Variants in COL23A1 observed in about 807,000 individuals in gnomAD.
COL23A1 encodes the protein collagen alpha-1(XXIII) chain.
In COL23A1, 97 loss-of-function variants were observed where a neutral mutation model predicts 99.3. The observed-to-expected ratio is 0.98, with a 90% CI of 0.83 to 1.16. COL23A1 has a LOEUF of 1.16. Among genes scored for constraint, COL23A1 ranks in the 50% most tolerant of loss-of-function variants. The pLI is 0.00. For missense variants in COL23A1, 762 were observed against 757.4 expected (o/e 1.01, Z -0.07); for synonymous variants, 320 against 308.2 (o/e 1.04, Z -0.40).
chr5:178,331,925 AG>A (rs1760050066), intron 2 of COL23A1, among the ~76,000 whole-genome samples: 1 of 152,208 alleles, frequency 6.6e-6, no homozygotes, highest in Non-Finnish European at 1.5e-5. Flanking sequence ...ACTTGGCTAG[AG>A]GGTGGGCACA....
chr5:178,327,488 G>A (rs536642499), intron 2 of COL23A1, among the ~76,000 whole-genome samples: 3 of 152,288 alleles, frequency 2.0e-5, no homozygotes, highest in African/African-American at 7.2e-5. Context: ...CCAGGGCCTT[G>A]GAGACCTTAT....
At position 178,309,318 on chromosome 5, in the gene COL23A1, A is replaced by G. The variant is rs1010412226; in HGVS notation, c.362-2399T>C. Reference sequence around the variant, plus strand: ...AGGCAGGGTAGGGTGCCTGCCTCCCAGGGTCACTGGGCGATGCCCCCTGCA... The same window carrying G: ...AGGCAGGGTAGGGTGCCTGCCTCCCGGGGTCACTGGGCGATGCCCCCTGCA... On this transcript the variant is annotated intron_variant, in intron 2 of 28. Transcript: ENST00000390654. The surrounding 1 kb of genome is among the most constrained non-coding windows in gnomAD (Gnocchi z 4.7). 1.3e-5 allele frequency among the ~76,000 whole-genome samples: 2 copies of G among 152,112 alleles called. No individual in the cohort carries two copies. The highest frequency in any genetic ancestry group is 2.4e-5 in the African/African-American group (1 of 41,428).
At chr5:178,481,640 C>T (rs763453531) in intron 2 of COL23A1, among the ~76,000 whole-genome samples, 1 of 151,988 alleles carries the variant, frequency 6.6e-6, no homozygotes, top group African/African-American at 2.4e-5. Context: ...ATATTATTAG[C>T]CATTAGGGAA....
At chr5:178,558,909 C>T (rs930420873) in intron 2 of COL23A1, among the ~76,000 whole-genome samples, 4 of 152,108 alleles carry the variant, frequency 2.6e-5, no homozygotes, top group Non-Finnish European at 2.9e-5. Flanking sequence ...CCACCTCAGC[C>T]TCCCAAGTAG....
chr5:178,518,523 G>A (rs1398039166), intron 2 of COL23A1, among the ~76,000 whole-genome samples: 17 of 151,716 alleles, frequency 1.1e-4, no homozygotes, highest in Admixed American at 2.0e-4. Context: ...GCCGGGCAGA[G>A]GGGCTCCTCA....
intron 2 of COL23A1, among the ~76,000 whole-genome samples, chr5:178,358,395 GTATGTGTATGTGTGTATGTGTA>G (rs1561897610): frequency 7.2e-6 from 1 of 139,522 alleles, no homozygotes; most frequent in Non-Finnish European, 1.6e-5. Flanking sequence ...GTGTGTATGT[GTATGTGTATGTGTGTATGTGTA>G]TGTGTGTGTA....
chr5:178,403,574 G>T (rs76046188), intron 2 of COL23A1, among the ~76,000 whole-genome samples: 53 of 152,276 alleles, frequency 3.5e-4, no homozygotes, highest in African/African-American at 1.2e-3. Flanking sequence ...CATATGCCAG[G>T]GCTCACAATG....
At chr5:178,482,926 C>G (rs1305109354) in intron 2 of COL23A1, among the ~76,000 whole-genome samples, 1 of 151,580 alleles carries the variant, frequency 6.6e-6, no homozygotes, top group Admixed American at 6.6e-5. Context: ...AAAGAAAAGA[C>G]TTAGGCTTAG....
intron 2 of COL23A1, among the ~76,000 whole-genome samples, chr5:178,431,486 C>T (rs1766261726): frequency 6.6e-6 from 1 of 152,158 alleles, no homozygotes; most frequent in Non-Finnish European, 1.5e-5. Flanking sequence ...TTCCGGATAT[C>T]GAGACGGGGA....
intron 2 of COL23A1, among the ~76,000 whole-genome samples, chr5:178,322,880 G>A (rs929637818): frequency 6.6e-6 from 1 of 152,196 alleles, no homozygotes; most frequent in African/African-American, 2.4e-5. Context: ...CTGGGGACAG[G>A]CGGATAGCTC....
intron 2 of COL23A1, among the ~76,000 whole-genome samples, chr5:178,343,661 A>AT (rs1473582381): frequency 2.1e-4 from 3 of 14,214 alleles, no homozygotes; most frequent in Admixed American, 1.2e-3. Flanking sequence ...TTATATATAT[A>AT]TATTTTTTTT....
intron 22 of COL23A1, among the ~76,000 whole-genome samples, chr5:178,247,287 G>A (rs980518921): frequency 2.0e-5 from 3 of 152,116 alleles, no homozygotes; most frequent in Non-Finnish European, 2.9e-5. Flanking sequence ...GGGACAGACT[G>A]GGGTCCCGGG....
intron 1 of COL23A1, among the ~76,000 whole-genome samples, chr5:178,580,489 C>T (rs755872636): frequency 9.9e-5 from 15 of 151,278 alleles, no homozygotes; most frequent in East Asian, 9.7e-4. Flanking sequence ...CCCAATGGTT[C>T]GTGCTTAGTC....
chr5:178,400,695 G>C (rs888164835), intron 2 of COL23A1, among the ~76,000 whole-genome samples: 1 of 151,474 alleles, frequency 6.6e-6, no homozygotes, highest in Non-Finnish European at 1.5e-5. Context: ...GCCCAGGCTG[G>C]AGCACAATCT....
chr5:178,390,257 G>A (rs1223764078), intron 2 of COL23A1, among the ~76,000 whole-genome samples: 3 of 152,202 alleles, frequency 2.0e-5, no homozygotes, highest in Admixed American at 2.0e-4. Context: ...TAACTTGCAG[G>A]AAGAACAGGC....
chr5:178,421,187 C>T (rs1354351838), intron 2 of COL23A1, among the ~76,000 whole-genome samples: 1 of 152,136 alleles, frequency 6.6e-6, no homozygotes, highest in Non-Finnish European at 1.5e-5. Flanking sequence ...TAAAAACGGT[C>T]ATGATTTGGT....
intron 2 of COL23A1, among the ~76,000 whole-genome samples, chr5:178,513,987 A>ACCAT (rs1325452626): frequency 6.6e-6 from 1 of 152,060 alleles, no homozygotes; most frequent in Non-Finnish European, 1.5e-5. Context: ...CACCATCACC[A>ACCAT]CCATCCATCC....
intron 2 of COL23A1, among the ~76,000 whole-genome samples, chr5:178,478,947 G>T (rs1757176702): frequency 6.6e-6 from 1 of 152,146 alleles, no homozygotes; most frequent in African/African-American, 2.4e-5. Context: ...GCTCCAAAAT[G>T]CTGTCAGTGT....
chr5:178,249,979 GCA>G, intron 18 of COL23A1, 80 bp downstream of exon 18: 1 of 1,426,790 alleles, frequency 7.0e-7, no homozygotes. Context: ...GTGCACACAT[GCA>G]CACGCACACA....
Sources: allele counts gnomAD v4.1 joint callset (sites outside exome capture counted in the v4.1 genomes callset), GRCh38; gene constraint gnomAD v4.1.1; non-coding constraint Gnocchi (gnomAD v3.1); transcripts MANE v1.5; gene names NCBI Gene and HGNC (gene_info 2026-07-23, HGNC 2026-07-21).